COX10: variants seen among roughly 807,000 people sequenced by gnomAD.
COX10 encodes protoheme IX farnesyltransferase, mitochondrial.
A neutral mutation model predicts 37.3 loss-of-function variants in COX10; 27 were observed. That is an observed-to-expected ratio of 0.72 (90% CI 0.53 to 1.00). The LOEUF (loss-of-function observed/expected upper bound fraction) is 1.00, where lower values mean the gene tolerates loss of function less well. COX10 is among the 50% of genes least tolerant of loss of function. The pLI is 0.00. For synonymous variants in COX10, 222 were observed against 229.1 expected (o/e 0.97, Z 0.28); for missense variants, 475 against 563.2 (o/e 0.84, Z 1.59).
chr17:14,176,577 C>A (rs1280148392), intron 5 of COX10, among the ~76,000 whole-genome samples: 2 of 152,136 alleles, frequency 1.3e-5, no homozygotes, highest in Non-Finnish European at 2.9e-5. Context: ...GATTCTCAAA[C>A]TCTAGTGAAC....
chr17:14,158,623 T>C (rs1905104947), intron 4 of COX10, among the ~76,000 whole-genome samples: 1 of 152,102 alleles, frequency 6.6e-6, no homozygotes, highest in Non-Finnish European at 1.5e-5. Context: ...ATTTCTGAAA[T>C]CTGTTACTTA....
At chr17:14,110,785 AACTG>A (rs765610814) in intron 4 of COX10, among the ~76,000 whole-genome samples, 12 of 152,144 alleles carry the variant, frequency 7.9e-5, no homozygotes, top group Non-Finnish European at 1.5e-4. Context: ...TTGATGTAAA[AACTG>A]ACTGTGTGGC....
chr17:14,193,270 G>A (rs1319032013), intron 6 of COX10, among the ~76,000 whole-genome samples: 1 of 152,208 alleles, frequency 6.6e-6, no homozygotes, highest in Admixed American at 6.5e-5. Context: ...CTTCGCAGCT[G>A]AACTCAGCCT....
At chr17:14,168,294 C>T (rs1161022416) in intron 5 of COX10, among the ~76,000 whole-genome samples, 3 of 152,248 alleles carry the variant, frequency 2.0e-5, no homozygotes, top group African/African-American at 4.8e-5. Context: ...CAGTTCTGCT[C>T]CTGTGGCTCT....
At chr17:14,153,159 G>T (rs556536781) in intron 4 of COX10, among the ~76,000 whole-genome samples, 2 of 152,296 alleles carry the variant, frequency 1.3e-5, no homozygotes, top group East Asian at 3.9e-4. Flanking sequence ...TGTCAGCTTG[G>T]CAGTCAGATA....
intron 4 of COX10, among the ~76,000 whole-genome samples, chr17:14,109,836 G>C (rs1403543527): frequency 6.6e-6 from 1 of 152,060 alleles, no homozygotes. Context: ...AGTGGATCTA[G>C]AGCACTTATG....
At chr17:14,205,676 G>T (rs951657239) in intron 6 of COX10, among the ~76,000 whole-genome samples, 1 of 152,152 alleles carries the variant, frequency 6.6e-6, no homozygotes, top group Admixed American at 6.5e-5. Context: ...AGGTGGCTTC[G>T]TGCATGTCAT....
chr17:14,113,979 G>A (rs184814574), intron 4 of COX10, among the ~76,000 whole-genome samples: 10 of 152,146 alleles, frequency 6.6e-5, no homozygotes, highest in Admixed American at 5.2e-4. Context: ...AAATTCTTTG[G>A]CCTAATCGCC....
At chr17:14,188,828 C>T (rs1405587868) in intron 5 of COX10, among the ~76,000 whole-genome samples, 1 of 151,406 alleles carries the variant, frequency 6.6e-6, no homozygotes, top group South Asian at 2.1e-4. Context: ...TCTGCTAAAG[C>T]TTTGCTAATT....
chr17:14,132,397 A>G (rs1248247050), intron 4 of COX10, among the ~76,000 whole-genome samples: 9 of 151,956 alleles, frequency 5.9e-5, no homozygotes, highest in Admixed American at 5.9e-4. Flanking sequence ...TGATATCTCA[A>G]TTGAGACAGC....
intron 4 of COX10, among the ~76,000 whole-genome samples, chr17:14,122,074 A>G (rs576577873): frequency 6.6e-6 from 1 of 152,252 alleles, no homozygotes; most frequent in Non-Finnish European, 1.5e-5. Flanking sequence ...GTAGGGAGCC[A>G]TTGAAGTGGG....
chr17:14,168,769 C>G (rs1027334896), intron 5 of COX10, among the ~76,000 whole-genome samples: 1 of 152,174 alleles, frequency 6.6e-6, no homozygotes, highest in Non-Finnish European at 1.5e-5. Flanking sequence ...TGAGGCTGTA[C>G]AGAACAGCAA....
At chr17:14,124,542 T>C (rs1916294050) in intron 4 of COX10, among the ~76,000 whole-genome samples, 2 of 152,172 alleles carry the variant, frequency 1.3e-5, no homozygotes, top group African/African-American at 4.8e-5. Flanking sequence ...ATGTTTGTTC[T>C]CACAGTTCAT....
intron 3 of COX10, among the ~76,000 whole-genome samples, chr17:14,081,894 G>A (rs1180304030): frequency 2.0e-5 from 3 of 152,214 alleles, no homozygotes; most frequent in Non-Finnish European, 4.4e-5. Context: ...AGACTTAAGA[G>A]TGTAAATATG....
chr17:14,134,284 A>C (rs1465045232), intron 4 of COX10, among the ~76,000 whole-genome samples: 1 of 151,864 alleles, frequency 6.6e-6, no homozygotes, highest in Non-Finnish European at 1.5e-5. Context: ...ATATGCATAC[A>C]TGCTTGTTAA....
chr17:14,090,728 C>T lies in COX10; in HGVS notation c.500-11390C>T, dbSNP rs541961148. 2.1e-3 allele frequency among the ~76,000 whole-genome samples: 321 copies of T among 152,312 alleles called. 1 individual carries two copies. Among genetic ancestry groups the T allele is most frequent in the African/African-American group, 7.5e-3 (311 of 41,574 alleles). On this transcript the variant is annotated intron_variant, in intron 3 of 6. Coordinates refer to ENST00000261643, the MANE Select transcript of COX10 (RefSeq NM_001303.4). ...ATCCTTCAGTCTTCAACTTTGACATCACTTTTGGGAAGTCTTCTGGGTTTG... is the reference window on the plus strand; with the variant it reads ...ATCCTTCAGTCTTCAACTTTGACATTACTTTTGGGAAGTCTTCTGGGTTTG...
At chr17:14,072,551 C>T (rs1054384388) in intron 1 of COX10, among the ~76,000 whole-genome samples, 1 of 152,124 alleles carries the variant, frequency 6.6e-6, no homozygotes, top group Non-Finnish European at 1.5e-5. Flanking sequence ...GATGGGGTTT[C>T]ACCATGTTGG....
In COX10 at chr17:14,076,745, A is replaced by G; in HGVS notation, c.188A>G (p.Gln63Arg). ...FSFLKRMYVT[Q>R]LNRSHNQQVR... ...TGCTTTTTTGTTTAGTATGTCACACAGCTGAACAGAAGCCACAACCAGCAA... is the reference window on the plus strand; with the variant it reads ...TGCTTTTTTGTTTAGTATGTCACACGGCTGAACAGAAGCCACAACCAGCAA... The change falls in exon 3 of 7, where the codon CAG becomes CGG. Residue 63 changes from glutamine (Q) to arginine (R), a missense_variant. Physicochemically the swap from Gln to Arg is conservative, Grantham distance 43 (BLOSUM62 1). This residue lies in a region of COX10 where 242 missense variants were observed against 242.5 expected (regional missense o/e 1.00). Transcript: ENST00000261643. 6.2e-7 allele frequency: 1 copy of G among 1,614,216 alleles called. No individual in the cohort carries two copies. Among genetic ancestry groups the G allele is most frequent in the Non-Finnish European group, 8.5e-7 (1 of 1,180,034 alleles).
chr17:14,192,775 T>C (rs1906246243), intron 6 of COX10, among the ~76,000 whole-genome samples: 1 of 152,140 alleles, frequency 6.6e-6, no homozygotes, highest in Admixed American at 6.5e-5. Flanking sequence ...CAACTAAATT[T>C]GTGGGGTGAA....
Sources: allele counts gnomAD v4.1 joint callset (sites outside exome capture counted in the v4.1 genomes callset), GRCh38; gene constraint gnomAD v4.1.1; regional missense constraint gnomAD v4.1.1; transcripts MANE v1.5; gene names NCBI Gene and HGNC (gene_info 2026-07-23, HGNC 2026-07-21).